The following CTNND2 variants were observed in gnomAD, a reference collection of about 807,000 sequenced individuals.
CTNND2 encodes the protein catenin delta 2, also known as catenin delta-2.
In CTNND2, 22 loss-of-function variants were observed where a neutral mutation model predicts 144.4. That is an observed-to-expected ratio of 0.15 (90% CI 0.11 to 0.22). The LOEUF is 0.22. Ranked by LOEUF, CTNND2 falls within the 10% of genes least tolerant of loss-of-function variation. CTNND2 has a pLI of 1.00. For synonymous variants in CTNND2, 751 were observed against 695.6 expected, an observed-to-expected ratio of 1.08 and a Z score of -1.25; for missense variants, 1,353 against 1,618.8, an observed-to-expected ratio of 0.84 and a Z score of 2.82.
At chr5:11,560,637 C>T (rs1442581106) in intron 3 of CTNND2, among the ~76,000 whole-genome samples, 3 of 152,164 alleles carry the variant, frequency 2.0e-5, no homozygotes, top group Non-Finnish European at 4.4e-5. Flanking sequence ...AAGTTACAAC[C>T]ACTGCCAACA....
intron 2 of CTNND2, among the ~76,000 whole-genome samples, chr5:11,633,245 A>T (rs1170390861): frequency 7.2e-5 from 11 of 152,196 alleles, no homozygotes; most frequent in Non-Finnish European, 1.5e-5. Context: ...GAAGGCAGCA[A>T]GAGAAAAATT....
At position 11,669,237 on chromosome 5, in the gene CTNND2, G is replaced by A. The variant is rs191934925; in HGVS notation, c.174+62899C>T. Among the ~76,000 whole-genome samples the A allele has an allele frequency of 3.1e-3, 476 of 152,206 alleles. 4 individuals are homozygous for A. The highest frequency in any genetic ancestry group is 0.011 in the African/African-American group (453 of 41,524). ...GGCCTAAAATTTTCTTTTTTGGTGTGTCTCTGCCAGGTTTTGATATCAGGA... is the reference window on the plus strand; with the variant it reads ...GGCCTAAAATTTTCTTTTTTGGTGTATCTCTGCCAGGTTTTGATATCAGGA... On this transcript the variant is annotated intron_variant, in intron 2 of 21. Transcript: ENST00000304623.
At chr5:11,424,928 C>T (rs1018094338) in intron 3 of CTNND2, among the ~76,000 whole-genome samples, 1 of 152,172 alleles carries the variant, frequency 6.6e-6, no homozygotes, top group Non-Finnish European at 1.5e-5. Context: ...GCTCAGGTGA[C>T]CCTGCCCTGG....
At chr5:11,471,020 G>A (rs1481221174) in intron 3 of CTNND2, among the ~76,000 whole-genome samples, 1 of 131,882 alleles carries the variant, frequency 7.6e-6, no homozygotes, top group East Asian at 2.1e-4. Context: ...CTCTGTCGCT[G>A]AGGCTGGAGT....
chr5:11,745,953 T>A (rs771169340), intron 1 of CTNND2, among the ~76,000 whole-genome samples: 2 of 152,238 alleles, frequency 1.3e-5, no homozygotes, highest in Non-Finnish European at 2.9e-5. Context: ...TGATGCACTA[T>A]ATTTTATATT....
intron 1 of CTNND2, among the ~76,000 whole-genome samples, chr5:11,882,938 C>T (rs186424608): frequency 3.8e-4 from 58 of 152,174 alleles, no homozygotes; most frequent in Middle Eastern, 3.4e-3. Flanking sequence ...TATTCCAATC[C>T]ATGAACATGG....
At chr5:11,498,916 TG>T (rs1770257286) in intron 3 of CTNND2, among the ~76,000 whole-genome samples, 1 of 152,162 alleles carries the variant, frequency 6.6e-6, no homozygotes, top group African/African-American at 2.4e-5. Context: ...TCTGGATGTG[TG>T]TTTTTTTTTA....
intron 3 of CTNND2, among the ~76,000 whole-genome samples, chr5:11,563,848 G>A (rs1416935953): frequency 6.6e-6 from 1 of 152,114 alleles, no homozygotes; most frequent in Non-Finnish European, 1.5e-5. Context: ...AAGTATTTTG[G>A]AACAATGAAT....
chr5:11,099,887 T>C (rs1159478775), intron 14 of CTNND2, among the ~76,000 whole-genome samples: 2 of 152,310 alleles, frequency 1.3e-5, no homozygotes, highest in East Asian at 3.9e-4. Flanking sequence ...TGAAGGTATT[T>C]AGCTTATTAG....
chr5:11,859,346 G>T (rs1352427598), intron 1 of CTNND2, among the ~76,000 whole-genome samples: 1 of 152,116 alleles, frequency 6.6e-6, no homozygotes, highest in Non-Finnish European at 1.5e-5. Context: ...CTTTCATATG[G>T]TCACAGATCT....
intron 3 of CTNND2, among the ~76,000 whole-genome samples, chr5:11,509,697 GAA>G (rs1297877997): frequency 6.6e-6 from 1 of 152,112 alleles, no homozygotes; most frequent in Non-Finnish European, 1.5e-5. Flanking sequence ...TAAAATCTCT[GAA>G]CTAGGAAAAA....
chr5:11,880,060 C>A (rs1299859081), intron 1 of CTNND2, among the ~76,000 whole-genome samples: 2 of 152,126 alleles, frequency 1.3e-5, no homozygotes, highest in East Asian at 3.9e-4. Context: ...CCAATCCATG[C>A]CAAAAATGTA....
rs758622348 is a variant in CTNND2 at position 11,438,014 on chromosome 5, G to C, written c.288-25945C>G. Among the ~76,000 whole-genome samples, 111 of 152,292 alleles carry C rather than the reference G, an allele frequency of 7.3e-4. 1 individual carries two copies. Among genetic ancestry groups the C allele is most frequent in the Middle Eastern group, 6.8e-3 (2 of 294 alleles). On this transcript the variant is annotated intron_variant, in intron 3 of 21. Coordinates refer to ENST00000304623, the MANE Select transcript of CTNND2 (RefSeq NM_001332.4). ...TCTTAACTCAGCATTCTCAGGGTAT[G>C]TGTGACAACATGGGAGAAGAACCTG...
At chr5:11,646,781 GC>G (rs1025603604) in intron 2 of CTNND2, among the ~76,000 whole-genome samples, 3 of 152,114 alleles carry the variant, frequency 2.0e-5, no homozygotes, top group African/African-American at 4.8e-5. Context: ...AGGCCAAATG[GC>G]CCAGCCTCCT....
intron 9 of CTNND2, among the ~76,000 whole-genome samples, chr5:11,316,409 G>A (rs770420517): frequency 6.6e-5 from 10 of 151,622 alleles, no homozygotes; most frequent in Non-Finnish European, 1.0e-4. Flanking sequence ...CACTTTAGAT[G>A]TATCATCTCT....
chr5:11,330,801 T>G (rs115184574), intron 9 of CTNND2, among the ~76,000 whole-genome samples: 2,698 of 134,468 alleles, frequency 0.02, 31 homozygotes, highest in Middle Eastern at 0.038. Context: ...AAAAAAAAAA[T>G]AGAAAGAGTT....
chr5:11,578,720 CAATCACACAGGT>C (rs1330388553), intron 2 of CTNND2, among the ~76,000 whole-genome samples: 1 of 150,524 alleles, frequency 6.6e-6, no homozygotes, highest in East Asian at 1.9e-4. Context: ...AGTGAACTGG[CAATCACACAGGT>C]AAAGTGAACT....
intron 9 of CTNND2, among the ~76,000 whole-genome samples, chr5:11,284,514 T>C (rs448487): frequency 0.35 from 52,646 of 151,958 alleles, 9,190 homozygotes; most frequent in Middle Eastern, 0.44. Context: ...ACATGAGGTG[T>C]TTGGTTTTCT....
chr5:11,684,206 A>T (rs2126634318), intron 2 of CTNND2, among the ~76,000 whole-genome samples: 1 of 151,548 alleles, frequency 6.6e-6, no homozygotes, highest in South Asian at 2.1e-4. Flanking sequence ...GGTTCATGCC[A>T]TTCTCCTGCC....
Sources: gnomAD v4.1 joint callset for allele counts (sites outside exome capture counted in the v4.1 genomes callset) on GRCh38, gnomAD v4.1.1 for gene constraint, MANE v1.5 for transcripts, NCBI Gene and HGNC (gene_info 2026-07-23, HGNC 2026-07-21) for gene names.